SLIT3: variants seen among roughly 807,000 people sequenced by gnomAD.
SLIT3 encodes slit guidance ligand 3, also known as slit homolog 3 protein.
Under a neutral mutation model 184.0 loss-of-function variants are expected in SLIT3, and 68 were observed. The observed-to-expected ratio is 0.37, with a 90% CI of 0.30 to 0.45. The LOEUF (loss-of-function observed/expected upper bound fraction) is 0.45, where lower values mean the gene tolerates loss of function less well. Ranked by LOEUF, SLIT3 falls within the 20% of genes least tolerant of loss-of-function variation. The pLI is 1.00. For missense variants in SLIT3, 1,707 were observed against 2,026.0 expected (o/e 0.84, Z 3.02); for synonymous variants, 831 against 828.6 (o/e 1.00, Z -0.05).
chr5:169,160,185 A>C (rs1308536968), intron 4 of SLIT3, among the ~76,000 whole-genome samples: 1 of 152,234 alleles, frequency 6.6e-6, no homozygotes. Flanking sequence ...AGGCTATTAC[A>C]TGTCTATCAC....
At chr5:168,900,724 T>G (rs539874675) in intron 4 of SLIT3, among the ~76,000 whole-genome samples, 35 of 152,358 alleles carry the variant, frequency 2.3e-4, no homozygotes, top group African/African-American at 7.9e-4. Context: ...TGTCCATTAA[T>G]GGATGATTGG....
chr5:168,785,959 T>G lies in SLIT3; in HGVS notation c.1099A>C (p.Ile367Leu). Residue 367 changes from isoleucine to leucine, a missense_variant, in exon 12 of 36, where the codon ATC becomes CTC. Ile to Leu is a conservative substitution (Grantham distance 5). Transcript: ENST00000519560. ...LTSLVLYGNK[I>L]TEIVKGLFDG... The stretch of plus-strand genomic sequence containing the variant: ...AACAGTCCCTTGACAATCTCGGTGA[T>G]CTTGTTCCCATACAGGACCCTGAAA... 6.2e-7 allele frequency: 1 copy of G among 1,612,442 alleles called. No homozygotes were observed. The highest frequency in any genetic ancestry group is 8.5e-7 in the Non-Finnish European group (1 of 1,178,686).
chr5:169,088,668 TG>T (rs1759424481), intron 4 of SLIT3, among the ~76,000 whole-genome samples: 1 of 152,074 alleles, frequency 6.6e-6, no homozygotes, highest in South Asian at 2.1e-4. Flanking sequence ...TGCACCTGGC[TG>T]GGTATCCAAA....
In SLIT3 at chr5:168,763,197, G is replaced by A. The variant is rs1024733474; in HGVS notation, c.1460-508C>T. Reference sequence around the variant, plus strand: ...TATGGGAAGGGGTTGCAAACTTAGGGGCCTTTATTACCCCAGCAGGTAATA... The same window carrying A: ...TATGGGAAGGGGTTGCAAACTTAGGAGCCTTTATTACCCCAGCAGGTAATA... On this transcript the variant is annotated intron_variant, in intron 14 of 35. Transcript: ENST00000519560. Among the ~76,000 whole-genome samples the A allele has an allele frequency of 3.9e-5, 6 of 152,110 alleles. No individual in the cohort carries two copies. In the East Asian group the frequency reaches 9.7e-4, roughly 25 times the overall value.
chr5:168,769,289 T>G (rs1755460050), intron 14 of SLIT3, among the ~76,000 whole-genome samples: 1 of 152,122 alleles, frequency 6.6e-6, no homozygotes, highest in Non-Finnish European at 1.5e-5. Flanking sequence ...ACTTGGGACT[T>G]CCTCCCACTT....
chr5:169,143,794 C>A lies in SLIT3; in HGVS notation c.413+49685G>T, dbSNP rs148908351. ...CAGCCTGGGTGACAGAGCCAGAAAACGAAAAAAAACAACAAAAACAGTATG... is the reference window on the plus strand; with the variant it reads ...CAGCCTGGGTGACAGAGCCAGAAAAAGAAAAAAAACAACAAAAACAGTATG... On this transcript the variant is annotated intron_variant, in intron 4 of 35. Coordinates refer to ENST00000519560, the MANE Select transcript of SLIT3 (RefSeq NM_003062.4). 9.5e-4 allele frequency among the ~76,000 whole-genome samples: 143 copies of A among 150,342 alleles called. 5 individuals carry two copies. Among genetic ancestry groups the A allele is most frequent in the African/African-American group, 3.4e-3 (139 of 40,712 alleles).
intron 14 of SLIT3, among the ~76,000 whole-genome samples, chr5:168,771,466 C>T (rs781422978): frequency 2.0e-4 from 31 of 152,286 alleles, no homozygotes; most frequent in Non-Finnish European, 3.2e-4. Flanking sequence ...TGGAGTGCCC[C>T]TTCACCTCTA....
At position 169,226,412 on chromosome 5, in the gene SLIT3, G is replaced by C. The variant is rs75876190; in HGVS notation, c.341+18293C>G. ...CTGATCCCCACTACCCCCCTACTCA[G>C]TCCAGTCACAAAACAAGAGTCCCTG... On this transcript the variant is annotated intron_variant, in intron 3 of 35. Transcript: ENST00000519560. Among the ~76,000 whole-genome samples, 1,342 of 152,222 alleles carry C rather than the reference G, an allele frequency of 8.8e-3. 56 individuals are homozygous for C. The highest frequency in any genetic ancestry group is 0.07 in the Admixed American group (1,066 of 15,272).
chr5:169,087,366 T>A (rs1197079282), intron 4 of SLIT3, among the ~76,000 whole-genome samples: 3 of 152,212 alleles, frequency 2.0e-5, no homozygotes, highest in Non-Finnish European at 4.4e-5. Flanking sequence ...AGGGCATTTG[T>A]AGGCAAATCT....
intron 22 of SLIT3, 49 bp downstream of exon 22, chr5:168,722,884 T>A: frequency 7.1e-7 from 1 of 1,400,824 alleles, no homozygotes; most frequent in Non-Finnish European, 1.0e-6. Flanking sequence ...AGTAACCATC[T>A]ACTGCTAGGC....
Position 168,669,953 on chromosome 5 carries a change from T to G in SLIT3, c.4166A>C (p.Tyr1389Ser), listed in dbSNP as rs772891831. ...ATAGCCCTCGGCACACTTGCACATG[T>G]ATGAGGTCCCAGTTGCCACACATTT... ...HGKCVATGTSYMCKCAEGYGG... is the reference protein window; with the variant it reads ...HGKCVATGTSSMCKCAEGYGG... Residue 1389 changes from tyrosine to serine, a missense_variant, in exon 35 of 36, where the codon TAC becomes TCC. By Grantham distance (144) the Tyr-to-Ser change is moderately radical. Around this residue, in one of 3 missense-constraint regions of SLIT3, gnomAD observed 387 missense variants for 477.9 expected, o/e 0.81. Coordinates refer to ENST00000519560, the MANE Select transcript of SLIT3 (RefSeq NM_003062.4). 1.2e-6 allele frequency: 2 copies of G among 1,614,134 alleles called. No homozygotes were observed. Among genetic ancestry groups the G allele is most frequent in the Non-Finnish European group, 1.7e-6 (2 of 1,180,014 alleles).
At chr5:168,685,053 C>T (rs938722328) in intron 31 of SLIT3, among the ~76,000 whole-genome samples, 3 of 152,146 alleles carry the variant, frequency 2.0e-5, no homozygotes, top group Non-Finnish European at 4.4e-5. Context: ...CAGGTTCAAG[C>T]GATTCTCATG....
At chr5:169,266,747 C>T (rs545380255) in intron 1 of SLIT3, among the ~76,000 whole-genome samples, 17 of 152,288 alleles carry the variant, frequency 1.1e-4, no homozygotes, top group Admixed American at 2.0e-4. Flanking sequence ...CCTAGCAATA[C>T]GGCATAGTAG....
intron 4 of SLIT3, among the ~76,000 whole-genome samples, chr5:169,064,884 C>T (rs1220168627): frequency 7.2e-5 from 11 of 152,102 alleles, no homozygotes; most frequent in South Asian, 4.1e-4. Flanking sequence ...TTTAATGAAA[C>T]GGAAATAAGA....
chr5:169,277,509 A>ATT lies in SLIT3; in HGVS notation c.197+23002_197+23003dup, dbSNP rs1581131831. Among the ~76,000 whole-genome samples, 5 of 152,318 alleles carry ATT rather than the reference A, an allele frequency of 3.3e-5. No homozygotes were observed. In the East Asian group the frequency reaches 9.7e-4, roughly 29 times the overall value. The stretch of plus-strand genomic sequence containing the variant: ...TGCCTTGGCCTCCCAAAGTGCTGGG[A>ATT]TTACAGAGGTGACCCACCACGAGTG... On this transcript the variant is annotated intron_variant, in intron 1 of 35. Transcript: ENST00000519560.
intron 20 of SLIT3, among the ~76,000 whole-genome samples, chr5:168,725,034 A>G (rs1346618243): frequency 6.6e-6 from 1 of 152,146 alleles, no homozygotes; most frequent in African/African-American, 2.4e-5. Context: ...CCCTAATTCA[A>G]TGTTGACTAT....
At chr5:168,889,010 C>T (rs1325235827) in intron 4 of SLIT3, among the ~76,000 whole-genome samples, 2 of 152,166 alleles carry the variant, frequency 1.3e-5, no homozygotes, top group East Asian at 3.8e-4. Context: ...CATAAAGCTG[C>T]ACTCTTTCTT....
rs114137011 is a variant in SLIT3 at position 168,918,342 on chromosome 5, A to G, written c.414-35006T>C. Among the ~76,000 whole-genome samples the G allele has an allele frequency of 3.2e-3, 486 of 152,282 alleles. 2 individuals carry two copies. Among genetic ancestry groups the G allele is most frequent in the African/African-American group, 0.011 (464 of 41,554 alleles). On this transcript the variant is annotated intron_variant, in intron 4 of 35. Coordinates refer to ENST00000519560, the MANE Select transcript of SLIT3 (RefSeq NM_003062.4). The stretch of plus-strand genomic sequence containing the variant: ...CAACTGCGCACTGCATTCATCTTAC[A>G]TATATATGCATTTCTGCCTGATGTT...
chr5:168,692,846 G>A (rs1434458184), intron 28 of SLIT3, 146 bp from the exon 29 acceptor site: 1 of 612,502 alleles, frequency 1.6e-6, no homozygotes, highest in Non-Finnish European at 2.9e-6. Flanking sequence ...CAGGAGTCCT[G>A]TGTTCTCACT....
Sources: allele counts gnomAD v4.1 joint callset (sites outside exome capture counted in the v4.1 genomes callset), GRCh38; gene constraint gnomAD v4.1.1; regional missense constraint gnomAD v4.1.1; transcripts MANE v1.5; gene names NCBI Gene and HGNC (gene_info 2026-07-23, HGNC 2026-07-21).